The following ATG7 variants were observed in gnomAD, a reference collection of about 807,000 sequenced individuals.
The protein encoded by ATG7 is ubiquitin-like modifier-activating enzyme ATG7.
In ATG7, 70 loss-of-function variants were observed where a neutral mutation model predicts 82.4. The observed-to-expected ratio is 0.85, with a 90% CI of 0.70 to 1.04. The LOEUF (loss-of-function observed/expected upper bound fraction) is 1.04. ATG7 is among the 50% of genes least tolerant of loss of function. The pLI is 0.00. For synonymous variants in ATG7, 287 were observed against 313.0 expected (o/e 0.92, Z 0.88); for missense variants, 792 against 864.3 (o/e 0.92, Z 1.05).
chr3:11,573,839 C>G, the ATG7 span, among the ~76,000 whole-genome samples: 1 of 152,184 alleles, frequency 6.6e-6, no homozygotes, highest in Non-Finnish European at 1.5e-5. Context: ...GTGAGCTTAT[C>G]TGAAATAGGG....
chr3:11,569,738 T>C, the ATG7 span, among the ~76,000 whole-genome samples: 1 of 152,174 alleles, frequency 6.6e-6, no homozygotes, highest in African/African-American at 2.4e-5. Flanking sequence ...GACTGCTGGC[T>C]GGGCATGGTG....
intron 5 of ATG7, 72 bp downstream of exon 5, chr3:11,299,488 C>T: frequency 4.1e-6 from 6 of 1,466,738 alleles, no homozygotes; most frequent in African/African-American, 1.4e-5. Context: ...TGCTTGCCTC[C>T]CTCATAGGTG....
chr3:11,404,245 C>T (rs2080119341), intron 19 of ATG7, among the ~76,000 whole-genome samples: 2 of 147,226 alleles, frequency 1.4e-5, no homozygotes, highest in South Asian at 4.3e-4. Context: ...AAGTGATTGT[C>T]CTGCCTCAGC....
At position 11,340,723 on chromosome 3, in the gene ATG7, T is replaced by C; in HGVS notation, c.968T>C (p.Met323Thr). ...AGGATGGTGAACCTCAGTGAATGTA[T>C]GGACCCTAAAAGGTATATTTGGGAA... Reference protein sequence around the residue: ...GPRMVNLSECMDPKRLAESSV... With the variant: ...GPRMVNLSECTDPKRLAESSV... Residue 323 changes from methionine to threonine, a missense_variant, in exon 12 of 21, where the codon ATG (methionine) becomes ACG (threonine). Met to Thr is a moderately conservative substitution (Grantham distance 81). Transcript: ENST00000693202. 6.2e-7 allele frequency: 1 copy of C among 1,613,546 alleles called. No homozygotes were observed. The highest frequency in any genetic ancestry group is 8.5e-7 in the Non-Finnish European group (1 of 1,179,678).
intron 6 of ATG7, among the ~76,000 whole-genome samples, chr3:11,307,270 T>C (rs1204597872): frequency 6.6e-6 from 1 of 152,152 alleles, no homozygotes; most frequent in Non-Finnish European, 1.5e-5. Flanking sequence ...ACATCCAGGC[T>C]CTCACCTGGG....
chr3:11,278,506 CA>C (rs572821866), intron 1 of ATG7, among the ~76,000 whole-genome samples: 1 of 152,230 alleles, frequency 6.6e-6, no homozygotes, highest in Non-Finnish European at 1.5e-5. Context: ...TCAAACATAC[CA>C]TCCTGGTTTG....
At chr3:11,573,417 A>C in the ATG7 span, among the ~76,000 whole-genome samples, 1 of 152,018 alleles carries the variant, frequency 6.6e-6, no homozygotes, top group Non-Finnish European at 1.5e-5. Flanking sequence ...ATAGTGCTTA[A>C]GTCCTCAGAC....
At chr3:11,435,096 A>G (rs983415308) in intron 20 of ATG7, among the ~76,000 whole-genome samples, 1 of 152,240 alleles carries the variant, frequency 6.6e-6, no homozygotes, top group Non-Finnish European at 1.5e-5. Flanking sequence ...AAGGAAAAAG[A>G]TGGATAATTT....
chr3:11,377,880 C>T (rs968790140), intron 18 of ATG7, among the ~76,000 whole-genome samples: 5 of 152,010 alleles, frequency 3.3e-5, no homozygotes, highest in African/African-American at 7.2e-5. Flanking sequence ...CCTATTTTGA[C>T]GTCCTGAATA....
At chr3:11,333,459 A>C (rs1951934213) in intron 11 of ATG7, among the ~76,000 whole-genome samples, 1 of 152,176 alleles carries the variant, frequency 6.6e-6, no homozygotes, top group Non-Finnish European at 1.5e-5. Flanking sequence ...TATATACTTA[A>C]AGTTGTATGT....
chr3:11,324,251 G>GA (rs1950571054), intron 9 of ATG7, among the ~76,000 whole-genome samples: 1 of 152,104 alleles, frequency 6.6e-6, no homozygotes. Context: ...GATTATTTAT[G>GA]AAAAATATTT....
intron 3 of ATG7, among the ~76,000 whole-genome samples, chr3:11,295,478 A>T (rs1032401709): frequency 2.0e-5 from 3 of 152,194 alleles, no homozygotes; most frequent in African/African-American, 7.2e-5. Context: ...AACCTGCCCC[A>T]CTGGAACTTG....
At chr3:11,504,355 TAAACA>T (rs1279222818) in intron 20 of ATG7, among the ~76,000 whole-genome samples, 6 of 152,174 alleles carry the variant, frequency 3.9e-5, no homozygotes, top group Non-Finnish European at 8.8e-5. Context: ...CAAGATCAGA[TAAACA>T]AAACATTTGT....
intron 18 of ATG7, among the ~76,000 whole-genome samples, chr3:11,370,641 A>C (rs1298019417): frequency 6.6e-6 from 1 of 151,026 alleles, no homozygotes; most frequent in African/African-American, 2.4e-5. Flanking sequence ...TGGGCATTGG[A>C]TCTTAGCCTC....
At chr3:11,477,334 G>A (rs898348967) in intron 20 of ATG7, 5 of 1,157,282 alleles carry the variant, frequency 4.3e-6, no homozygotes, top group South Asian at 1.7e-5. Context: ...CTCCTGAATC[G>A]ATAAATACGT....
chr3:11,473,271 T>C (rs1363067266), intron 20 of ATG7, among the ~76,000 whole-genome samples: 1 of 152,214 alleles, frequency 6.6e-6, no homozygotes, highest in Non-Finnish European at 1.5e-5. Flanking sequence ...TGCAGCCACA[T>C]AGTATTTTCT....
intron 11 of ATG7, among the ~76,000 whole-genome samples, chr3:11,333,635 T>C (rs928517891): frequency 6.6e-6 from 1 of 152,046 alleles, no homozygotes; most frequent in African/African-American, 2.4e-5. Context: ...GATATATGTG[T>C]GTGTGTGTGT....
At chr3:11,564,880 G>C in the ATG7 span, 2 of 1,608,334 alleles carry the variant, frequency 1.2e-6, no homozygotes, top group Non-Finnish European at 1.7e-6. Flanking sequence ...AGTGCGAGGG[G>C]CTGCTCCAGG....
At chr3:11,549,239 A>G (rs532800799) in intron 20 of ATG7, among the ~76,000 whole-genome samples, 1 of 152,286 alleles carries the variant, frequency 6.6e-6, no homozygotes, top group South Asian at 2.1e-4. Flanking sequence ...CTTCTGTGTT[A>G]GGGTTGTTTT....
Sources: allele counts gnomAD v4.1 joint callset (sites outside exome capture counted in the v4.1 genomes callset), GRCh38; gene constraint gnomAD v4.1.1; transcripts MANE v1.5; gene names NCBI Gene and HGNC (gene_info 2026-07-23, HGNC 2026-07-21).